The following TAS1R1 variants were observed in gnomAD, a reference collection of about 807,000 sequenced individuals.
TAS1R1 encodes the protein taste 1 receptor member 1.
In TAS1R1, 31 loss-of-function variants were observed where a neutral mutation model predicts 45.8. The ratio of observed to expected loss-of-function variants is 0.68; its 90% CI spans 0.51 to 0.91. The LOEUF is 0.91. TAS1R1 is among the 40% of genes least tolerant of loss of function. The pLI, the probability that TAS1R1 is intolerant of heterozygous loss-of-function variation, is 0.00. For synonymous variants in TAS1R1, 437 were observed against 448.4 expected (o/e 0.97, Z 0.32); for missense variants, 1,051 against 1,063.9 (o/e 0.99, Z 0.17).
At position 6,574,873 on chromosome 1, in the gene TAS1R1, C is replaced by T; in HGVS notation, c.741C>T (p.Phe247=). 1 of 1,614,256 alleles carries T rather than the reference C, an allele frequency of 6.2e-7. No individual in the cohort carries two copies. The highest frequency in any genetic ancestry group is 8.5e-7 in the Non-Finnish European group (1 of 1,180,044). Residue 247 remains phenylalanine (F), a synonymous_variant, in exon 3 of 6, where the codon TTC becomes TTT. Coordinates refer to ENST00000333172, the MANE Select transcript of TAS1R1 (RefSeq NM_138697.4). This position sits in a 1 kb window ranked among gnomAD's most constrained non-coding sequence, Gnocchi z 4.3. ...TTGCTTTCAAGGACATCATGCCCTT[C>T]TCTGCCCAGGTGGGCGATGAGAGGA... ...ICIAFKDIMP[F]SAQVGDERMQ... is the part of the protein sequence containing the mutation.
chr1:6,576,603 C>T lies in TAS1R1; in HGVS notation c.1449C>T (p.Ile483=), dbSNP rs1640181513. 1 of 1,613,706 alleles carries T rather than the reference C, an allele frequency of 6.2e-7. No homozygotes were observed. Among genetic ancestry groups the T allele is most frequent in the African/African-American group, 1.3e-5 (1 of 75,060 alleles). The change falls in exon 4 of 6, where the codon ATC becomes ATT. Residue 483 remains isoleucine, a synonymous_variant. Coordinates refer to ENST00000333172, the MANE Select transcript of TAS1R1 (RefSeq NM_138697.4). ...PVQLNINETK[I]QWHGKDNQVP... is the part of the protein sequence containing the mutation. ...AGCTAAACATAAATGAGACCAAAAT[C>T]CAGTGGCACGGAAAGGACAACCAGG...
chr1:6,571,238 T>C, intron 2 of TAS1R1, 23 bp downstream of exon 2: 1 of 1,535,946 alleles, frequency 6.5e-7, no homozygotes, highest in Non-Finnish European at 8.8e-7. Context: ...CTCAGACCTT[T>C]GCCCATCTCC....
chr1:6,558,446 G>A (rs1360139113), intron 1 of TAS1R1, among the ~76,000 whole-genome samples: 3 of 152,112 alleles, frequency 2.0e-5, no homozygotes, highest in African/African-American at 7.2e-5. Flanking sequence ...TTGGCCGAAC[G>A]TGGTGGTTCA....
Position 6,574,748 on chromosome 1 carries a change from T to A in TAS1R1, c.616T>A (p.Phe206Ile), listed in dbSNP as rs1334478917. The A allele has an allele frequency of 6.2e-7, 1 of 1,614,114 alleles. No homozygotes were observed. The highest frequency in any genetic ancestry group is 2.2e-5 in the East Asian group (1 of 44,894). The change falls in exon 3 of 6, where the codon TTC (phenylalanine) becomes ATC (isoleucine). Residue 206 changes from phenylalanine (F) to isoleucine (I), a missense_variant. Transcript: ENST00000333172. This position sits in a 1 kb window ranked among gnomAD's most constrained non-coding sequence, Gnocchi z 4.3. Reference protein sequence around the residue: ...VETMVLLLQKFGWTWISLVGS... With the variant: ...VETMVLLLQKIGWTWISLVGS... ...GACCATGGTGCTGCTGCTGCAGAAG[T>A]TCGGGTGGACCTGGATCTCTCTGGT... is the stretch of plus-strand genomic sequence containing the variant.
At chr1:6,570,024 G>GGAGAGA (rs397979009) in intron 1 of TAS1R1, among the ~76,000 whole-genome samples, 6 of 32,382 alleles carry the variant, frequency 1.9e-4, no homozygotes, top group African/African-American at 3.5e-4. Context: ...GGAGGGAGGG[G>GGAGAGA]GAGAGAGAGA....
chr1:6,555,618 C>T, intron 1 of TAS1R1, 54 bp downstream of exon 1: 1 of 1,487,486 alleles, frequency 6.7e-7, no homozygotes, highest in Non-Finnish European at 9.1e-7. Context: ...CTATAGGGCC[C>T]CTCTGGCTGC....
rs191890559 is a variant in TAS1R1 at position 6,564,836 on chromosome 1, C to T, written c.192-6073C>T. 1.0e-3 allele frequency among the ~76,000 whole-genome samples: 154 copies of T among 152,288 alleles called. 2 individuals carry two copies. Among genetic ancestry groups the T allele is most frequent in the Non-Finnish European group, 3.8e-4 (26 of 68,028 alleles). On this transcript the variant is annotated intron_variant, in intron 1 of 5. Coordinates refer to ENST00000333172, the MANE Select transcript of TAS1R1 (RefSeq NM_138697.4). Reference sequence around the variant, plus strand: ...CTATAAGAGTAAGAAGAAATTTTGTCCTCTTGACGGGAGGCAAGTGGGTGA... The same window carrying T: ...CTATAAGAGTAAGAAGAAATTTTGTTCTCTTGACGGGAGGCAAGTGGGTGA...
chr1:6,576,350 C>G, intron 3 of TAS1R1, 65 bp from the exon 4 acceptor site: 1 of 1,548,466 alleles, frequency 6.5e-7, no homozygotes, highest in Non-Finnish European at 8.9e-7. Context: ...GCCCCAGGCC[C>G]TTGCTTCTGG....
At chr1:6,569,899 G>A (rs1290971876) in intron 1 of TAS1R1, among the ~76,000 whole-genome samples, 2 of 152,038 alleles carry the variant, frequency 1.3e-5, no homozygotes, top group African/African-American at 2.4e-5. Context: ...AATAATGGGA[G>A]AGTCTGAGAA....
chr1:6,574,722 A>C lies in TAS1R1; in HGVS notation c.590A>C (p.Glu197Ala). The change falls in exon 3 of 6, where the codon GAG becomes GCG. Residue 197 changes from glutamate (E) to alanine (A), a missense_variant. Coordinates refer to ENST00000333172, the MANE Select transcript of TAS1R1 (RefSeq NM_138697.4). The surrounding 1 kb of genome is among the most constrained non-coding windows in gnomAD (Gnocchi z 4.3). ...RTIPNDKYQV[E>A]TMVLLLQKFG... ...ATCCCCAATGACAAGTACCAGGTGGAGACCATGGTGCTGCTGCTGCAGAAG... is the reference window on the plus strand; with the variant it reads ...ATCCCCAATGACAAGTACCAGGTGGCGACCATGGTGCTGCTGCTGCAGAAG... The C allele has an allele frequency of 2.5e-6, 4 of 1,614,270 alleles. No homozygotes were observed. The highest frequency in any genetic ancestry group is 3.4e-6 in the Non-Finnish European group (4 of 1,180,054).
Position 6,574,559 on chromosome 1 carries a change from C to T in TAS1R1, c.499-72C>T. The T allele has an allele frequency of 1.3e-6, 2 of 1,522,956 alleles. No individual in the cohort carries two copies. Among genetic ancestry groups the T allele is most frequent in the East Asian group, 2.3e-5 (1 of 44,052 alleles). The allele number at this position is 1,522,956 out of a possible 1,614,324, so 94.3% of individuals were successfully genotyped here. On this transcript the variant is annotated intron_variant, in intron 2 of 5. Coordinates refer to ENST00000333172, the MANE Select transcript of TAS1R1 (RefSeq NM_138697.4). This position sits in a 1 kb window ranked among gnomAD's most constrained non-coding sequence, Gnocchi z 4.3. ...GTCTCCCCGGCTCCCTGTATCCCCA[C>T]ACCCAGCACAGGGCCAGGCACTGGG...
chr1:6,564,365 G>A (rs1177094780), intron 1 of TAS1R1, among the ~76,000 whole-genome samples: 1 of 152,142 alleles, frequency 6.6e-6, no homozygotes, highest in Non-Finnish European at 1.5e-5. Flanking sequence ...GGATGAGAGA[G>A]AGTGTTGGGA....
chr1:6,555,965 G>A (rs1351992066), intron 1 of TAS1R1, among the ~76,000 whole-genome samples: 1 of 137,602 alleles, frequency 7.3e-6, no homozygotes, highest in Non-Finnish European at 1.5e-5. Context: ...TCCGCCTTCC[G>A]GGTTCACGCC....
At chr1:6,577,225 G>A (rs1640204211) in intron 5 of TAS1R1, among the ~76,000 whole-genome samples, 155 bp downstream of exon 5, 1 of 152,272 alleles carries the variant, frequency 6.6e-6, no homozygotes, top group African/African-American at 2.4e-5. Context: ...CCTGCTACCA[G>A]ACAGAATTCT....
Position 6,578,832 on chromosome 1 carries a change from C to T in TAS1R1, c.1774C>T (p.Leu592=). The T allele has an allele frequency of 1.2e-6, 2 of 1,612,896 alleles. No homozygotes were observed. Among genetic ancestry groups the T allele is most frequent in the Non-Finnish European group, 8.5e-7 (1 of 1,179,346 alleles). ...LGTAGLFAWH[L]DTPVVRSAGG... ...GACTGCTGGCCTGTTTGCCTGGCAC[C>T]TAGACACCCCTGTGGTGAGGTCAGC... The change falls in exon 6 of 6, where the codon CTA becomes TTA. Residue 592 remains leucine (L), a synonymous_variant. Coordinates refer to ENST00000333172, the MANE Select transcript of TAS1R1 (RefSeq NM_138697.4).
At chr1:6,562,600 C>T (rs1639809337) in intron 1 of TAS1R1, among the ~76,000 whole-genome samples, 1 of 152,234 alleles carries the variant, frequency 6.6e-6, no homozygotes, top group African/African-American at 2.4e-5. Context: ...GCCTGCTATC[C>T]TTGTTCCTGT....
In TAS1R1 at chr1:6,555,357, G is replaced by A. The variant is rs527418349; in HGVS notation, c.-17G>A. The A allele has an allele frequency of 1.3e-5, 20 of 1,561,722 alleles. No homozygotes were observed. The highest frequency in any genetic ancestry group is 1.8e-5 in the Admixed American group (1 of 56,886). ...AGGCCACTCCTTGGCCATGCCAGGC[G>A]CGGGCATCTGGCCAGCATGCTGCTC... On this transcript the variant is annotated 5_prime_UTR_variant, in exon 1 of 6. Coordinates refer to ENST00000333172, the MANE Select transcript of TAS1R1 (RefSeq NM_138697.4).
Position 6,574,702 on chromosome 1 carries a change from C to G in TAS1R1, c.570C>G (p.Pro190=). ...RQYPSFLRTI[P]NDKYQVETMV... Reference sequence around the variant, plus strand: ...ATCCCTCTTTCCTGCGCACCATCCCCAATGACAAGTACCAGGTGGAGACCA... The same window carrying G: ...ATCCCTCTTTCCTGCGCACCATCCCGAATGACAAGTACCAGGTGGAGACCA... The change falls in exon 3 of 6, where the codon CCC becomes CCG. Residue 190 remains proline (P), a synonymous_variant. Coordinates refer to ENST00000333172, the MANE Select transcript of TAS1R1 (RefSeq NM_138697.4). The surrounding 1 kb of genome is among the most constrained non-coding windows in gnomAD (Gnocchi z 4.3). 6.2e-7 allele frequency: 1 copy of G among 1,614,254 alleles called. No individual in the cohort carries two copies. The highest frequency in any genetic ancestry group is 2.2e-5 in the East Asian group (1 of 44,878).
intron 5 of TAS1R1, 27 bp from the exon 6 acceptor site, chr1:6,578,626 A>G: frequency 6.5e-7 from 1 of 1,529,338 alleles, no homozygotes; most frequent in Non-Finnish European, 8.8e-7. Context: ...TCTGGCTCTC[A>G]GGAACCTTCT....
Sources: gnomAD v4.1 joint callset for allele counts (sites outside exome capture counted in the v4.1 genomes callset) on GRCh38, gnomAD v4.1.1 for gene constraint, Gnocchi (gnomAD v3.1) non-coding constraint, MANE v1.5 for transcripts, NCBI Gene and HGNC (gene_info 2026-07-23, HGNC 2026-07-21) for gene names.